Variants in SAMSN1 observed in about 807,000 individuals in gnomAD.
SAMSN1 encodes SAM domain-containing protein SAMSN-1.
A neutral mutation model predicts 42.0 loss-of-function variants in SAMSN1; 31 were observed. The ratio of observed to expected loss-of-function variants is 0.74; its 90% CI spans 0.55 to 1.00. SAMSN1 has a LOEUF of 1.00. SAMSN1 is among the 50% of genes least tolerant of loss of function. The pLI, the probability that SAMSN1 is intolerant of heterozygous loss-of-function variation, is 0.00. For synonymous variants in SAMSN1, 178 were observed against 151.9 expected, an observed-to-expected ratio of 1.17 and a Z score of -1.26; for missense variants, 464 against 439.4, an observed-to-expected ratio of 1.06 and a Z score of -0.50.
chr21:14,556,143 T>C (rs930316311), intron 2 of SAMSN1, among the ~76,000 whole-genome samples: 2 of 152,210 alleles, frequency 1.3e-5, no homozygotes, highest in Admixed American at 1.3e-4. Flanking sequence ...ATTTCCTTTC[T>C]ATTTTCACTC....
intron 2 of SAMSN1, among the ~76,000 whole-genome samples, chr21:14,565,155 G>A (rs1365549538): frequency 7.2e-5 from 11 of 151,842 alleles, no homozygotes; most frequent in South Asian, 2.1e-4. Context: ...AATTAGCCGG[G>A]CATGGTGGCA....
At chr21:14,503,842 G>A in intron 5 of SAMSN1, among the ~76,000 whole-genome samples, 1 of 152,088 alleles carries the variant, frequency 6.6e-6, no homozygotes, top group African/African-American at 2.4e-5. Flanking sequence ...TGAAGGAAGT[G>A]AATTCCTCCT....
At chr21:14,517,071 A>G (rs1242819396) in intron 2 of SAMSN1, 30 bp from the exon 3 acceptor site, 3 of 1,567,460 alleles carry the variant, frequency 1.9e-6, no homozygotes, top group Non-Finnish European at 2.6e-6. Context: ...AAAAGACAAA[A>G]TAATAAAGCA....
intron 2 of SAMSN1, among the ~76,000 whole-genome samples, chr21:14,551,933 C>G (rs1437942453): frequency 6.6e-6 from 1 of 151,972 alleles, no homozygotes; most frequent in East Asian, 1.9e-4. Flanking sequence ...CTTGGCATAC[C>G]TAAATACCTG....
At position 14,525,369 on chromosome 21, in the gene SAMSN1, C is replaced by T. The variant is rs369614143; in HGVS notation, c.58-4148G>A. On this transcript the variant is annotated intron_variant, in intron 1 of 7. Transcript: ENST00000400566. Reference sequence around the variant, plus strand: ...CATGTTAAATGTTACCAAGAAGATACAGTCAGTCGGAAAAAATACAGACAA... The same window carrying T: ...CATGTTAAATGTTACCAAGAAGATATAGTCAGTCGGAAAAAATACAGACAA... Among the ~76,000 whole-genome samples the T allele has an allele frequency of 2.0e-5, 3 of 152,236 alleles. No individual in the cohort carries two copies. The South Asian group carries it at 6.2e-4, about 32-fold the overall frequency.
At chr21:14,628,230 G>A (rs1241000754) in intron 2 of SAMSN1, among the ~76,000 whole-genome samples, 2 of 151,970 alleles carry the variant, frequency 1.3e-5, no homozygotes, top group African/African-American at 4.8e-5. Context: ...TAGAACTATA[G>A]GATGATTAAC....
chr21:14,574,841 T>C (rs1981408560), intron 2 of SAMSN1, among the ~76,000 whole-genome samples: 1 of 152,188 alleles, frequency 6.6e-6, no homozygotes, highest in Admixed American at 6.6e-5. Context: ...TCTACTATTA[T>C]AATATCTCAT....
At chr21:14,569,656 CA>C (rs1177959504) in intron 2 of SAMSN1, among the ~76,000 whole-genome samples, 1 of 152,090 alleles carries the variant, frequency 6.6e-6, no homozygotes, top group Non-Finnish European at 1.5e-5. Context: ...ATTAACTTAT[CA>C]AAAAATAGCA....
chr21:14,510,143 AG>A (rs1987618416), intron 5 of SAMSN1, among the ~76,000 whole-genome samples, 166 bp downstream of exon 5: 2 of 149,242 alleles, frequency 1.3e-5, no homozygotes, highest in Non-Finnish European at 1.5e-5. Flanking sequence ...TCTCAAAAAA[AG>A]AAAAAAAAAA....
At chr21:14,600,491 A>G (rs1982400230) in intron 6 of SAMSN1, among the ~76,000 whole-genome samples, 1 of 152,106 alleles carries the variant, frequency 6.6e-6, no homozygotes, top group Non-Finnish European at 1.5e-5. Context: ...ATCTTTAGTG[A>G]TACACTACAT....
At chr21:14,625,126 C>T (rs540685920) in intron 2 of SAMSN1, among the ~76,000 whole-genome samples, 16 of 152,122 alleles carry the variant, frequency 1.1e-4, no homozygotes, top group South Asian at 4.1e-4. Context: ...TGGGATGTAT[C>T]TCAAAATAAT....
chr21:14,611,953 G>A (rs1982719257), intron 4 of SAMSN1, among the ~76,000 whole-genome samples: 1 of 152,140 alleles, frequency 6.6e-6, no homozygotes, highest in South Asian at 2.1e-4. Context: ...AAATTATTGA[G>A]GCCAGGCATG....
At chr21:14,534,152 C>A (rs1243051406) in intron 1 of SAMSN1, among the ~76,000 whole-genome samples, 3 of 152,212 alleles carry the variant, frequency 2.0e-5, no homozygotes, top group African/African-American at 7.2e-5. Flanking sequence ...TACAAACTAT[C>A]TTCTGGAGTA....
chr21:14,580,228 G>A (rs990775726), intron 2 of SAMSN1, among the ~76,000 whole-genome samples: 3 of 152,160 alleles, frequency 2.0e-5, no homozygotes, highest in Non-Finnish European at 2.9e-5. Flanking sequence ...ACAGCCTTTA[G>A]GAATAGCAAA....
intron 2 of SAMSN1, among the ~76,000 whole-genome samples, chr21:14,639,377 G>A (rs1983542092): frequency 6.6e-6 from 1 of 152,122 alleles, no homozygotes; most frequent in African/African-American, 2.4e-5. Context: ...ATGGCAGAAA[G>A]CAAAAGGGCA....
chr21:14,486,049 AC>A lies in SAMSN1; in HGVS notation c.984del (p.Lys328AsnfsTer4), dbSNP rs1423147780. The A allele has an allele frequency of 3.1e-6, 5 of 1,613,712 alleles. No individual in the cohort carries two copies. Among genetic ancestry groups the A allele is most frequent in the Non-Finnish European group, 4.2e-6 (5 of 1,179,728 alleles). On this transcript the variant is annotated frameshift_variant, in exon 8 of 8. Coordinates refer to ENST00000400566, the MANE Select transcript of SAMSN1 (RefSeq NM_022136.5). LOFTEE classifies it high-confidence loss of function. ...LSLSSDISLN[K>X]SQLDDCPRDS... ...TCCCTTGGGCAGTCATCTAACTGTG[AC>A]TTATTTAAGGAGATGTCTGAGCTCA...
At chr21:14,570,675 C>G (rs2123218162) in intron 2 of SAMSN1, among the ~76,000 whole-genome samples, 1 of 152,250 alleles carries the variant, frequency 6.6e-6, no homozygotes, top group East Asian at 1.9e-4. Flanking sequence ...AGCCTGAGAG[C>G]TTTTCATTAA....
At chr21:14,520,422 G>A (rs1179532054) in intron 2 of SAMSN1, among the ~76,000 whole-genome samples, 1 of 152,120 alleles carries the variant, frequency 6.6e-6, no homozygotes, top group Non-Finnish European at 1.5e-5. Context: ...GTACATATAT[G>A]TATACTCACA....
intron 1 of SAMSN1, among the ~76,000 whole-genome samples, chr21:14,532,134 C>T (rs1301942553): frequency 2.6e-5 from 4 of 152,110 alleles, no homozygotes; most frequent in Admixed American, 6.5e-5. Context: ...ACCATTAATC[C>T]AGTGGCATAT....
Sources: allele counts gnomAD v4.1 joint callset (sites outside exome capture counted in the v4.1 genomes callset), GRCh38; gene constraint gnomAD v4.1.1; transcripts MANE v1.5; gene names NCBI Gene and HGNC (gene_info 2026-07-23, HGNC 2026-07-21).